The following CNTNAP2 variants were observed in gnomAD, a reference collection of about 807,000 sequenced individuals.
CNTNAP2 encodes contactin-associated protein-like 2.
In CNTNAP2, 98 loss-of-function variants were observed where a neutral mutation model predicts 155.2. The observed-to-expected ratio is 0.63, with a 90% CI of 0.54 to 0.75. The LOEUF (loss-of-function observed/expected upper bound fraction) is 0.75. Among genes scored for constraint, CNTNAP2 ranks in the 30% least tolerant of loss-of-function variants. The pLI is 0.00. For missense variants in CNTNAP2, 1,727 were observed against 1,688.1 expected (o/e 1.02, Z -0.40); for synonymous variants, 651 against 631.2 (o/e 1.03, Z -0.47).
At chr7:147,140,797 G>A (rs1332116335) in intron 8 of CNTNAP2, among the ~76,000 whole-genome samples, 1 of 152,100 alleles carries the variant, frequency 6.6e-6, no homozygotes, top group Non-Finnish European at 1.5e-5. Context: ...ATGGGCAGGG[G>A]CCAGAAAAGT....
chr7:146,407,924 A>G (rs540801337), intron 1 of CNTNAP2, among the ~76,000 whole-genome samples: 1 of 152,292 alleles, frequency 6.6e-6, no homozygotes, highest in Non-Finnish European at 1.5e-5. Context: ...TTATTTTCTT[A>G]ATAATATTTT....
At chr7:146,157,980 C>T (rs527821043) in intron 1 of CNTNAP2, among the ~76,000 whole-genome samples, 128 of 152,310 alleles carry the variant, frequency 8.4e-4, no homozygotes, top group Non-Finnish European at 1.5e-3. Flanking sequence ...TAGGAGACAC[C>T]TCCCAGTAGG....
chr7:147,589,664 A>T (rs1422357335), intron 12 of CNTNAP2, among the ~76,000 whole-genome samples: 1 of 152,176 alleles, frequency 6.6e-6, no homozygotes, highest in South Asian at 2.1e-4. Flanking sequence ...ATATGCCTGT[A>T]TCATAGTGTA....
intron 1 of CNTNAP2, among the ~76,000 whole-genome samples, chr7:146,400,568 A>G (rs1795700121): frequency 1.3e-5 from 2 of 152,208 alleles, no homozygotes; most frequent in South Asian, 2.1e-4. Flanking sequence ...GGAGATTTCT[A>G]TTTTTGCAGA....
Position 147,745,880 on chromosome 7 carries a change from A to G in CNTNAP2, c.2098+106574A>G, listed in dbSNP as rs559758823. Among the ~76,000 whole-genome samples the G allele has an allele frequency of 1.6e-4, 25 of 152,322 alleles. 1 individual carries two copies. In the South Asian group the frequency reaches 4.1e-3, roughly 25 times the overall value. The stretch of plus-strand genomic sequence containing the variant: ...TTTCATTTTGAACATAATCACTTTT[A>G]TAGTTTCCAAGTACAGGAATCTTTA... On this transcript the variant is annotated intron_variant, in intron 13 of 23. Transcript: ENST00000361727.
At chr7:146,979,323 G>C (rs1390096235) in intron 3 of CNTNAP2, among the ~76,000 whole-genome samples, 2 of 152,026 alleles carry the variant, frequency 1.3e-5, no homozygotes, top group African/African-American at 2.4e-5. Flanking sequence ...AAAGATTGCT[G>C]TCTCTTTTAT....
chr7:147,348,060 TA>T (rs1795906938), intron 9 of CNTNAP2, among the ~76,000 whole-genome samples: 1 of 151,846 alleles, frequency 6.6e-6, no homozygotes, highest in African/African-American at 2.4e-5. Flanking sequence ...AGACCTGAAA[TA>T]ATAAAACTGC....
At chr7:147,334,050 A>G (rs1456505863) in intron 9 of CNTNAP2, among the ~76,000 whole-genome samples, 1 of 152,150 alleles carries the variant, frequency 6.6e-6, no homozygotes, top group Non-Finnish European at 1.5e-5. Flanking sequence ...CCTTGAACTC[A>G]GTTTCCTGCT....
intron 14 of CNTNAP2, among the ~76,000 whole-genome samples, chr7:147,921,891 G>T (rs1800287226): frequency 6.6e-6 from 1 of 152,136 alleles, no homozygotes; most frequent in Non-Finnish European, 1.5e-5. Flanking sequence ...TATCAATATG[G>T]GGGGTAGGAA....
At chr7:148,221,710 A>G (rs1460518399) in intron 19 of CNTNAP2, among the ~76,000 whole-genome samples, 2 of 152,210 alleles carry the variant, frequency 1.3e-5, no homozygotes, top group Non-Finnish European at 2.9e-5. Context: ...ACATATCGAA[A>G]GCTCTGCTCA....
At chr7:147,019,630 C>G (rs1190233339) in intron 3 of CNTNAP2, among the ~76,000 whole-genome samples, 1 of 151,948 alleles carries the variant, frequency 6.6e-6, no homozygotes, top group Admixed American at 6.6e-5. Flanking sequence ...GCTCAATGAC[C>G]CTTCTGCCTA....
rs997497577 is a variant in CNTNAP2 at position 148,112,412 on chromosome 7, T to TTAG, written c.2384-5703_2384-5701dup. Among the ~76,000 whole-genome samples the TTAG allele has an allele frequency of 1.7e-4, 23 of 135,732 alleles. No homozygotes were observed. In the East Asian group the frequency reaches 1.9e-3, roughly 11 times the overall value. 89.0% of individuals were successfully genotyped at this position (135,732 alleles called of 152,430 possible). A position where few individuals can be genotyped will look rare whatever the true frequency, so the allele number is the denominator to read the frequency against. ...TAAAATATGAATACTGTGCTAAATT[T>TTAG]TAGTATTATTATTATTATTATTATT... On this transcript the variant is annotated intron_variant, in intron 15 of 23. Transcript: ENST00000361727.
intron 1 of CNTNAP2, among the ~76,000 whole-genome samples, chr7:146,126,403 C>G (rs1344495985): frequency 6.6e-6 from 1 of 152,152 alleles, no homozygotes; most frequent in Non-Finnish European, 1.5e-5. Flanking sequence ...AGGAATGCAG[C>G]TCTTTCAATG....
intron 1 of CNTNAP2, among the ~76,000 whole-genome samples, chr7:146,721,859 A>ATG (rs1339848281): frequency 0.011 from 991 of 92,540 alleles, 84 homozygotes; most frequent in African/African-American, 0.061. Context: ...CTACATTTAT[A>ATG]TGTGTGTGTG....
At chr7:146,774,704 G>A (rs908559227) in intron 2 of CNTNAP2, among the ~76,000 whole-genome samples, 3 of 152,054 alleles carry the variant, frequency 2.0e-5, no homozygotes, top group African/African-American at 4.8e-5. Flanking sequence ...TTAGAAAGAT[G>A]TAAAAAAGAA....
At chr7:146,552,118 A>T (rs1043056405) in intron 1 of CNTNAP2, among the ~76,000 whole-genome samples, 2 of 152,174 alleles carry the variant, frequency 1.3e-5, no homozygotes, top group Admixed American at 1.3e-4. Context: ...GAAATACTGA[A>T]GTATTTTAAG....
chr7:146,913,185 C>T (rs990958674), intron 3 of CNTNAP2, among the ~76,000 whole-genome samples: 4 of 152,038 alleles, frequency 2.6e-5, no homozygotes, highest in Non-Finnish European at 4.4e-5. Context: ...TTTTCAGAAG[C>T]GCATAGGGAA....
chr7:147,024,585 CTG>C (rs1489558137), intron 3 of CNTNAP2, among the ~76,000 whole-genome samples: 28 of 152,114 alleles, frequency 1.8e-4, no homozygotes, highest in East Asian at 1.9e-4. Context: ...GCAGGTGAAA[CTG>C]TAATCATTGC....
At chr7:146,394,494 G>A (rs541934957) in intron 1 of CNTNAP2, among the ~76,000 whole-genome samples, 42 of 138,374 alleles carry the variant, frequency 3.0e-4, no homozygotes, top group African/African-American at 1.1e-3. Context: ...AATTTGGATA[G>A]AATGTTTTAT....
Sources: gnomAD v4.1 joint callset for allele counts (sites outside exome capture counted in the v4.1 genomes callset) on GRCh38, gnomAD v4.1.1 for gene constraint, MANE v1.5 for transcripts, NCBI Gene and HGNC (gene_info 2026-07-23, HGNC 2026-07-21) for gene names.